Variants in TCF7L2 observed in about 807,000 individuals in gnomAD.
The protein encoded by TCF7L2 is transcription factor 7 like 2.
TCF7L2 carries 23 observed loss-of-function variants against 77.9 expected under a neutral mutation model. That is an observed-to-expected ratio of 0.30 (90% CI 0.21 to 0.42). The LOEUF is 0.42. TCF7L2 is among the 10% of genes least tolerant of loss of function. TCF7L2 has a pLI of 1.00. For missense variants in TCF7L2, 654 were observed against 793.1 expected, an observed-to-expected ratio of 0.82 and a Z score of 2.11; for synonymous variants, 413 against 340.2, an observed-to-expected ratio of 1.21 and a Z score of -2.36.
chr10:113,150,775 T>TA (rs1564967681), intron 8 of TCF7L2, among the ~76,000 whole-genome samples: 1 of 152,252 alleles, frequency 6.6e-6, no homozygotes, highest in Non-Finnish European at 1.5e-5. Context: ...TTAAAAATCA[T>TA]AATGTCTTAT....
chr10:113,042,302 C>T lies in TCF7L2; in HGVS notation c.552+2176C>T, dbSNP rs141298692. On this transcript the variant is annotated intron_variant, in intron 5 of 13. Coordinates refer to ENST00000627217, the MANE Select transcript of TCF7L2 (RefSeq NM_001146274.2). ...ACCATAGCAACTCCCCTGGGGCATA[C>T]ACACCCTCTTGTAGATGGAGACCTT... Among the ~76,000 whole-genome samples the T allele has an allele frequency of 2.3e-3, 345 of 152,294 alleles. 2 individuals are homozygous for T. The highest frequency in any genetic ancestry group is 7.9e-3 in the African/African-American group (330 of 41,560).
Position 112,964,567 on chromosome 10 carries a change from G to T in TCF7L2, c.393G>T (p.Gln131His), listed in dbSNP as rs2036058618. The change falls in exon 4 of 14, where the codon CAG (glutamine) becomes CAT (histidine). Residue 131 changes from glutamine (Q) to histidine (H), a missense_variant. This residue lies in a region of TCF7L2 where 132 missense variants were observed against 123.7 expected (regional missense o/e 1.07). Coordinates refer to ENST00000627217, the MANE Select transcript of TCF7L2 (RefSeq NM_001146274.2). ...GTTTCTTTCTACAGCTCCATTTTCAGTCCGGCAGCACACATTACTCTGCGT... is the reference window on the plus strand; with the variant it reads ...GTTTCTTTCTACAGCTCCATTTTCATTCCGGCAGCACACATTACTCTGCGT... 6.2e-7 allele frequency: 1 copy of T among 1,613,492 alleles called. No homozygotes were observed. Among genetic ancestry groups the T allele is most frequent in the Non-Finnish European group, 8.5e-7 (1 of 1,179,554 alleles).
intron 5 of TCF7L2, among the ~76,000 whole-genome samples, chr10:113,091,149 G>A (rs1235455241): frequency 6.6e-6 from 1 of 152,158 alleles, no homozygotes; most frequent in Non-Finnish European, 1.5e-5. Context: ...TGATCTGCAT[G>A]ACTTGGCCTC....
chr10:113,095,425 TA>T (rs2060852034), intron 5 of TCF7L2, among the ~76,000 whole-genome samples: 1 of 152,178 alleles, frequency 6.6e-6, no homozygotes, highest in Admixed American at 6.5e-5. Context: ...TATCTGCCAA[TA>T]TTTTTTTGTT....
At chr10:113,023,335 G>A (rs2048542700) in intron 4 of TCF7L2, among the ~76,000 whole-genome samples, 1 of 152,180 alleles carries the variant, frequency 6.6e-6, no homozygotes, top group Non-Finnish European at 1.5e-5. Context: ...GCAAGACCTC[G>A]TTAAGTTGGC....
rs1373039357 is a variant in TCF7L2, at chr10:112,952,462, GA to G, written c.381+856del. On this transcript the variant is annotated intron_variant, in intron 3 of 13. Coordinates refer to ENST00000627217, the MANE Select transcript of TCF7L2 (RefSeq NM_001146274.2). ...GGGCAGCAGGGCTGAGTGGGGCGGG[GA>G]GGCCCCTGCGGCCCGGATTCTTGGT... Among the ~76,000 whole-genome samples the G allele has an allele frequency of 2.6e-5, 4 of 152,250 alleles. No homozygotes were observed. The East Asian group carries it at 7.8e-4, about 30-fold the overall frequency.
At chr10:113,089,492 G>T in intron 5 of TCF7L2, 1 of 1,613,904 alleles carries the variant, frequency 6.2e-7, no homozygotes, top group Non-Finnish European at 8.5e-7. Context: ...TCAGGGACAT[G>T]AAAAGGAGCC....
chr10:113,051,758 A>G (rs1168432250), intron 5 of TCF7L2, among the ~76,000 whole-genome samples: 2 of 152,078 alleles, frequency 1.3e-5, no homozygotes, highest in African/African-American at 4.8e-5. Flanking sequence ...ATTTTTGTGA[A>G]ATTCTTATTT....
intron 5 of TCF7L2, among the ~76,000 whole-genome samples, chr10:113,139,565 C>T (rs947429596): frequency 6.8e-6 from 1 of 147,616 alleles, no homozygotes; most frequent in Non-Finnish European, 1.5e-5. Flanking sequence ...CACAAAGCTC[C>T]TGTAAGCAAC....
chr10:113,083,913 G>C (rs1235189243), intron 5 of TCF7L2, among the ~76,000 whole-genome samples: 1 of 152,110 alleles, frequency 6.6e-6, no homozygotes. Flanking sequence ...CTAGGCTTTA[G>C]TTTCAGCTCT....
chr10:113,067,383 A>G (rs1225527116), intron 5 of TCF7L2, among the ~76,000 whole-genome samples: 1 of 152,238 alleles, frequency 6.6e-6, no homozygotes, highest in African/African-American at 2.4e-5. Flanking sequence ...AGAATTGACT[A>G]ATGTCAGATT....
chr10:113,096,127 T>C (rs12266012), intron 5 of TCF7L2, among the ~76,000 whole-genome samples: 7,853 of 152,236 alleles, frequency 0.052, 677 homozygotes, highest in African/African-American at 0.18. Context: ...CATATAGGGT[T>C]TCCCATATGA....
intron 5 of TCF7L2, among the ~76,000 whole-genome samples, chr10:113,068,220 C>T (rs536071473): frequency 2.0e-5 from 3 of 152,240 alleles, no homozygotes; most frequent in Non-Finnish European, 2.9e-5. Context: ...ATACCACCTT[C>T]CTATTTTGAA....
At chr10:113,054,094 A>T (rs1487882773) in intron 5 of TCF7L2, among the ~76,000 whole-genome samples, 1 of 152,212 alleles carries the variant, frequency 6.6e-6, no homozygotes, top group Non-Finnish European at 1.5e-5. Context: ...TGATGCTGTT[A>T]GTTCCTGTTG....
At chr10:113,005,111 C>T (rs2045297246) in intron 4 of TCF7L2, among the ~76,000 whole-genome samples, 1 of 152,166 alleles carries the variant, frequency 6.6e-6, no homozygotes, top group Admixed American at 6.5e-5. Flanking sequence ...TTTCCTGGCA[C>T]CTAGCACGTG....
chr10:113,003,515 C>G (rs1457693469), intron 4 of TCF7L2, among the ~76,000 whole-genome samples: 1 of 152,170 alleles, frequency 6.6e-6, no homozygotes, highest in African/African-American at 2.4e-5. Context: ...TCCCTGCCCT[C>G]TCTTATCCTG....
At chr10:113,079,564 C>T (rs192748266) in intron 5 of TCF7L2, among the ~76,000 whole-genome samples, 36 of 152,290 alleles carry the variant, frequency 2.4e-4, no homozygotes, top group African/African-American at 8.2e-4. Flanking sequence ...GAACCCTCAA[C>T]AATCTTTAAG....
At chr10:113,021,266 C>T (rs2048232437) in intron 4 of TCF7L2, among the ~76,000 whole-genome samples, 2 of 152,194 alleles carry the variant, frequency 1.3e-5, no homozygotes, top group South Asian at 4.1e-4. Flanking sequence ...TATCAGAGTG[C>T]ATTCTGTATG....
At chr10:113,056,452 C>T (rs950325315) in intron 5 of TCF7L2, among the ~76,000 whole-genome samples, 8 of 152,126 alleles carry the variant, frequency 5.3e-5, no homozygotes, top group African/African-American at 1.4e-4. Flanking sequence ...ACAAAAAACC[C>T]GTCTCCAGGA....
Sources: gnomAD v4.1 joint callset for allele counts (sites outside exome capture counted in the v4.1 genomes callset) on GRCh38, gnomAD v4.1.1 for gene constraint, gnomAD v4.1.1 regional missense constraint, MANE v1.5 for transcripts, NCBI Gene and HGNC (gene_info 2026-07-23, HGNC 2026-07-21) for gene names.